The following NDST3 variants were observed in gnomAD, a reference collection of about 807,000 sequenced individuals.
The protein encoded by NDST3 is bifunctional heparan sulfate N-deacetylase/N-sulfotransferase 3.
In NDST3, 58 loss-of-function variants were observed where a neutral mutation model predicts 96.1. The ratio of observed to expected loss-of-function variants is 0.60; its 90% CI spans 0.49 to 0.75. NDST3 has a LOEUF of 0.75. Among genes scored for constraint, NDST3 ranks in the 30% least tolerant of loss-of-function variants. The pLI is 0.00. For synonymous variants in NDST3, 333 were observed against 359.7 expected, an observed-to-expected ratio of 0.93 and a Z score of 0.84; for missense variants, 788 against 1,034.2, an observed-to-expected ratio of 0.76 and a Z score of 3.27.
chr4:118,253,488 T>C lies in NDST3; in HGVS notation c.2400-11T>C, dbSNP rs1248663291. The C allele has an allele frequency of 6.4e-7, 1 of 1,565,736 alleles. No individual in the cohort carries two copies. Among genetic ancestry groups the C allele is most frequent in the Non-Finnish European group, 8.7e-7 (1 of 1,147,790 alleles). The stretch of plus-strand genomic sequence containing the variant: ...TTCTGGTTTTTCTGTGTGTATTCTT[T>C]TTTTTTTTAGGTTTGATTCTCATAA... On this transcript the variant is annotated splice_polypyrimidine_tract_variant and intron_variant, in intron 12 of 13. Transcript: ENST00000296499.
intron 6 of NDST3, among the ~76,000 whole-genome samples, chr4:118,220,679 C>G (rs759176613): frequency 6.6e-6 from 1 of 151,848 alleles, no homozygotes; most frequent in East Asian, 1.9e-4. Context: ...CTGTATGAAC[C>G]AGTTCTCTTT....
chr4:118,066,104 TA>T (rs1363957148), intron 2 of NDST3, among the ~76,000 whole-genome samples: 47 of 40,402 alleles, frequency 1.2e-3, no homozygotes, highest in Middle Eastern at 7.4e-3. Flanking sequence ...ATATATTATA[TA>T]ATATATTTTA....
At chr4:118,186,426 G>C (rs1396514350) in intron 6 of NDST3, among the ~76,000 whole-genome samples, 1 of 152,146 alleles carries the variant, frequency 6.6e-6, no homozygotes. Context: ...CCGTCTGCAA[G>C]CCAAGGAGCA....
At chr4:118,101,042 T>A (rs2125845135) in intron 2 of NDST3, among the ~76,000 whole-genome samples, 1 of 152,240 alleles carries the variant, frequency 6.6e-6, no homozygotes, top group South Asian at 2.1e-4. Flanking sequence ...AACAAAAATA[T>A]TTTTATCTGC....
chr4:118,125,281 A>G (rs1731954145), intron 4 of NDST3, among the ~76,000 whole-genome samples: 1 of 152,118 alleles, frequency 6.6e-6, no homozygotes, highest in African/African-American at 2.4e-5. Flanking sequence ...CCCAGGAATC[A>G]GGGATAAGGA....
chr4:118,223,855 T>G (rs1373351680), intron 6 of NDST3, among the ~76,000 whole-genome samples: 1 of 152,118 alleles, frequency 6.6e-6, no homozygotes, highest in Non-Finnish European at 1.5e-5. Context: ...TTCTTTGCCA[T>G]TAAAAATCTC....
chr4:118,235,994 C>T (rs1224545104), intron 9 of NDST3, among the ~76,000 whole-genome samples: 1 of 152,088 alleles, frequency 6.6e-6, no homozygotes, highest in African/African-American at 2.4e-5. Context: ...AATCTATGAA[C>T]ATCTCATGTG....
At chr4:118,207,308 G>T (rs1738499443) in intron 6 of NDST3, among the ~76,000 whole-genome samples, 1 of 143,928 alleles carries the variant, frequency 6.9e-6, no homozygotes, top group South Asian at 2.3e-4. Context: ...GATAGTGGGG[G>T]AAAATTTATA....
chr4:118,149,679 T>C (rs1456697776), intron 6 of NDST3, among the ~76,000 whole-genome samples: 1 of 150,840 alleles, frequency 6.6e-6, no homozygotes, highest in African/African-American at 2.4e-5. Flanking sequence ...GTTTTCTAGA[T>C]ATACAATCAT....
intron 6 of NDST3, among the ~76,000 whole-genome samples, chr4:118,184,819 C>A (rs928280023): frequency 6.6e-6 from 1 of 152,114 alleles, no homozygotes; most frequent in African/African-American, 2.4e-5. Context: ...TGTTTGTGGT[C>A]TGCATTTTCA....
intron 2 of NDST3, chr4:118,055,303 T>C (rs893729130): frequency 1.3e-5 from 3 of 222,816 alleles, no homozygotes; most frequent in East Asian, 2.5e-4. Flanking sequence ...ATTACAGATC[T>C]CATTGTAGCA....
chr4:118,120,632 TGA>T (rs1731489150), intron 4 of NDST3, among the ~76,000 whole-genome samples: 1 of 152,138 alleles, frequency 6.6e-6, no homozygotes, highest in Admixed American at 6.5e-5. Context: ...TTGACTAGCC[TGA>T]GAACAGCAAT....
At chr4:118,227,225 A>ATGT (rs1739945947) in intron 8 of NDST3, among the ~76,000 whole-genome samples, 2 of 61,120 alleles carry the variant, frequency 3.3e-5, no homozygotes, top group Non-Finnish European at 1.0e-4. Flanking sequence ...TTGGTAGCAC[A>ATGT]TGTTTTTTTT....
In NDST3 at chr4:118,240,507, C is replaced by A. The variant is rs1303305204; in HGVS notation, c.2119-17C>A. The A allele has an allele frequency of 7.0e-6, 11 of 1,571,568 alleles. No homozygotes were observed. The highest frequency in any genetic ancestry group is 1.4e-5 in the African/African-American group (1 of 73,550). Reference sequence around the variant, plus strand: ...CTACGGTTCAGATTAGTTTAATTATCCACCTTTTCATCATAGCATCAGCGA... The same window carrying A: ...CTACGGTTCAGATTAGTTTAATTATACACCTTTTCATCATAGCATCAGCGA... On this transcript the variant is annotated splice_polypyrimidine_tract_variant and intron_variant, in intron 10 of 13. Transcript: ENST00000296499.
intron 2 of NDST3, among the ~76,000 whole-genome samples, chr4:118,078,489 C>T (rs912322591): frequency 6.6e-6 from 1 of 152,196 alleles, no homozygotes; most frequent in African/African-American, 2.4e-5. Context: ...CGGTGGCTCA[C>T]ACCTGTAATC....
At chr4:118,111,896 T>C (rs1730672259) in intron 3 of NDST3, among the ~76,000 whole-genome samples, 1 of 151,616 alleles carries the variant, frequency 6.6e-6, no homozygotes, top group South Asian at 2.1e-4. Flanking sequence ...CAGGATGGTC[T>C]TGATCTCCTG....
chr4:118,134,970 G>A (rs1042598849), intron 4 of NDST3, among the ~76,000 whole-genome samples: 7 of 152,064 alleles, frequency 4.6e-5, no homozygotes, highest in Non-Finnish European at 8.8e-5. Flanking sequence ...ATCTCAAATC[G>A]AACAATCCAG....
chr4:118,062,858 A>C (rs1726007690), intron 2 of NDST3, among the ~76,000 whole-genome samples: 1 of 152,180 alleles, frequency 6.6e-6, no homozygotes, highest in African/African-American at 2.4e-5. Context: ...ACACATGAAT[A>C]TGTAAACAGG....
At chr4:118,057,485 G>A (rs189056281) in intron 2 of NDST3, among the ~76,000 whole-genome samples, 9 of 152,048 alleles carry the variant, frequency 5.9e-5, no homozygotes, top group Admixed American at 2.6e-4. Flanking sequence ...AAGAGAAGAT[G>A]ATCAAATGTA....
Sources: allele counts gnomAD v4.1 joint callset (sites outside exome capture counted in the v4.1 genomes callset), GRCh38; gene constraint gnomAD v4.1.1; transcripts MANE v1.5; gene names NCBI Gene and HGNC (gene_info 2026-07-23, HGNC 2026-07-21).